Variants in EXOC6B observed in about 807,000 individuals in gnomAD.
The protein encoded by EXOC6B is SEC15 homolog B.
A neutral mutation model predicts 113.5 loss-of-function variants in EXOC6B; 54 were observed. The observed-to-expected ratio is 0.48, with a 90% CI of 0.38 to 0.60. EXOC6B has a LOEUF of 0.60. Ranked by LOEUF, EXOC6B falls within the 20% of genes least tolerant of loss-of-function variation. The pLI, the probability that EXOC6B is intolerant of heterozygous loss-of-function variation, is 0.00. For synonymous variants in EXOC6B, 357 were observed against 339.0 expected, an observed-to-expected ratio of 1.05 and a Z score of -0.58; for missense variants, 797 against 977.5, an observed-to-expected ratio of 0.82 and a Z score of 2.46.
At chr2:72,488,888 G>A (rs1057080847) in intron 16 of EXOC6B, among the ~76,000 whole-genome samples, 7 of 152,042 alleles carry the variant, frequency 4.6e-5, no homozygotes, top group African/African-American at 1.4e-4. Flanking sequence ...CCCATTTCAC[G>A]CAAAATAAAA....
intron 7 of EXOC6B, among the ~76,000 whole-genome samples, chr2:72,568,672 G>A (rs1704338085): frequency 2.0e-5 from 3 of 151,988 alleles, no homozygotes; most frequent in Admixed American, 2.0e-4. Flanking sequence ...TTCTGAAGAT[G>A]TAAACTTCTT....
rs186302514 is a variant in EXOC6B, at chr2:72,353,595, A to T, written c.2123-18575T>A. On this transcript the variant is annotated intron_variant, in intron 19 of 21. Transcript: ENST00000272427. ...CACCATGTTGGCCAGGCTGGTTTCAAACTCCTGACCTCAAGTGATCCGACC... is the reference window on the plus strand; with the variant it reads ...CACCATGTTGGCCAGGCTGGTTTCATACTCCTGACCTCAAGTGATCCGACC... Among the ~76,000 whole-genome samples the T allele has an allele frequency of 1.1e-3, 161 of 152,060 alleles. 1 individual carries two copies. Among genetic ancestry groups the T allele is most frequent in the African/African-American group, 3.7e-3 (154 of 41,446 alleles).
intron 16 of EXOC6B, among the ~76,000 whole-genome samples, chr2:72,487,254 A>G (rs1699477534): frequency 6.6e-6 from 1 of 152,240 alleles, no homozygotes; most frequent in Non-Finnish European, 1.5e-5. Context: ...CATCTAAGAT[A>G]CCACATTACA....
At chr2:72,481,098 G>A (rs1263613495) in intron 16 of EXOC6B, among the ~76,000 whole-genome samples, 3 of 152,066 alleles carry the variant, frequency 2.0e-5, no homozygotes, top group Non-Finnish European at 4.4e-5. Flanking sequence ...GTTTTATAAG[G>A]GGCTCTTCCC....
At chr2:72,189,721 G>GCCCCT (rs534531708) in intron 20 of EXOC6B, among the ~76,000 whole-genome samples, 1 of 150,768 alleles carries the variant, frequency 6.6e-6, no homozygotes, top group Admixed American at 6.6e-5. Flanking sequence ...TCGCCACCGT[G>GCCCCT]CCCCTCCCCT....
At chr2:72,473,696 T>C (rs757220459) in intron 17 of EXOC6B, among the ~76,000 whole-genome samples, 39 of 152,074 alleles carry the variant, frequency 2.6e-4, no homozygotes, top group Non-Finnish European at 5.0e-4. Context: ...ATATGTGAGG[T>C]CTTCCCTTTA....
intron 6 of EXOC6B, among the ~76,000 whole-genome samples, chr2:72,657,567 C>CTTTTTTTTT (rs70963136): frequency 0.023 from 1,175 of 50,298 alleles, 145 homozygotes; most frequent in African/African-American, 0.05. Context: ...CTTTCCTTTT[C>CTTTTTTTTT]TTTTTTTTTT....
At chr2:72,212,998 T>C (rs1680291302) in intron 20 of EXOC6B, among the ~76,000 whole-genome samples, 1 of 141,844 alleles carries the variant, frequency 7.1e-6, no homozygotes, top group Non-Finnish European at 1.6e-5. Flanking sequence ...AGGACTTGAT[T>C]TCCTCAAGAG....
At chr2:72,415,520 C>CTT (rs1250123251) in intron 18 of EXOC6B, among the ~76,000 whole-genome samples, 2 of 141,380 alleles carry the variant, frequency 1.4e-5, no homozygotes, top group African/African-American at 2.6e-5. Context: ...TCTGTGGTTT[C>CTT]TTTTTTTTTT....
At chr2:72,533,786 GTATT>G (rs1187908974) in intron 8 of EXOC6B, among the ~76,000 whole-genome samples, 4 of 152,178 alleles carry the variant, frequency 2.6e-5, no homozygotes, top group East Asian at 3.9e-4. Flanking sequence ...TAATGCCAAT[GTATT>G]TATTTTTTAA....
At chr2:72,459,998 C>A (rs994555343) in intron 18 of EXOC6B, among the ~76,000 whole-genome samples, 2 of 152,076 alleles carry the variant, frequency 1.3e-5, no homozygotes, top group African/African-American at 4.8e-5. Context: ...GTACTGGTAC[C>A]AAAACAGAGA....
At chr2:72,234,658 T>C (rs1328416612) in intron 20 of EXOC6B, among the ~76,000 whole-genome samples, 1 of 152,092 alleles carries the variant, frequency 6.6e-6, no homozygotes, top group Admixed American at 6.6e-5. Context: ...TTGCAAACTA[T>C]GCATCTGACA....
chr2:72,205,088 A>G (rs750450694), intron 20 of EXOC6B, among the ~76,000 whole-genome samples: 6 of 152,106 alleles, frequency 3.9e-5, no homozygotes, highest in Non-Finnish European at 8.8e-5. Flanking sequence ...CTGAAATAAT[A>G]CTTTTGCCAG....
At chr2:72,700,770 G>A (rs1257296063) in intron 6 of EXOC6B, among the ~76,000 whole-genome samples, 1 of 152,122 alleles carries the variant, frequency 6.6e-6, no homozygotes, top group African/African-American at 2.4e-5. Flanking sequence ...TGCCAATATG[G>A]CAAAACCCCA....
intron 8 of EXOC6B, among the ~76,000 whole-genome samples, chr2:72,539,197 A>AAGGAAAAAAGAAGGGGGAGGGG (rs1161512207): frequency 2.6e-5 from 4 of 152,150 alleles, no homozygotes; most frequent in African/African-American, 9.7e-5. Context: ...GAGCAAAGAA[A>AAGGAAAAAAGAAGGGGGAGGGG]AGGAAAAAAG....
intron 1 of EXOC6B, among the ~76,000 whole-genome samples, chr2:72,750,153 C>T (rs887022814): frequency 6.6e-6 from 1 of 151,862 alleles, no homozygotes; most frequent in Non-Finnish European, 1.5e-5. Flanking sequence ...GGTCCAATTT[C>T]ACCCGTAAGT....
intron 6 of EXOC6B, among the ~76,000 whole-genome samples, chr2:72,693,642 C>T (rs899600357): frequency 1.3e-5 from 2 of 152,168 alleles, no homozygotes; most frequent in Non-Finnish European, 2.9e-5. Flanking sequence ...TGATGAGATA[C>T]ATCAAGGTTT....
intron 18 of EXOC6B, among the ~76,000 whole-genome samples, chr2:72,381,731 G>A (rs1691687764): frequency 6.6e-6 from 1 of 152,126 alleles, no homozygotes; most frequent in Non-Finnish European, 1.5e-5. Flanking sequence ...CCAGTTAAAT[G>A]ACTCTGCTTA....
At chr2:72,745,247 A>T (rs931421105) in intron 1 of EXOC6B, among the ~76,000 whole-genome samples, 4 of 152,148 alleles carry the variant, frequency 2.6e-5, no homozygotes, top group African/African-American at 9.7e-5. Flanking sequence ...TGAGGCCAGG[A>T]GCTTGAAACC....
Sources: gnomAD v4.1 joint callset for allele counts (sites outside exome capture counted in the v4.1 genomes callset) on GRCh38, gnomAD v4.1.1 for gene constraint, MANE v1.5 for transcripts, NCBI Gene and HGNC (gene_info 2026-07-23, HGNC 2026-07-21) for gene names.